The following PDZRN4 variants were observed in gnomAD, a reference collection of about 807,000 sequenced individuals.
PDZRN4 encodes PDZ domain containing ring finger 4.
In PDZRN4, 70 loss-of-function variants were observed where a neutral mutation model predicts 99.0. That is an observed-to-expected ratio of 0.71 (90% CI 0.58 to 0.86). The LOEUF is 0.86. Among genes scored for constraint, PDZRN4 ranks in the 40% least tolerant of loss-of-function variants. PDZRN4 has a pLI of 0.00. For synonymous variants in PDZRN4, 551 were observed against 501.6 expected (o/e 1.10, Z -1.32); for missense variants, 1,474 against 1,331.2 (o/e 1.11, Z -1.67).
chr12:41,354,350 A>G (rs565357026), intron 3 of PDZRN4, among the ~76,000 whole-genome samples: 21 of 152,134 alleles, frequency 1.4e-4, no homozygotes, highest in African/African-American at 4.8e-4. Flanking sequence ...ACCTTGCCTC[A>G]CTTATGTATT....
chr12:41,572,534 G>A lies in PDZRN4; in HGVS notation c.1755G>A (p.Lys585=). ...CCAATAGCACATCTTTGAAGAGCAA[G>A]AGAGACCTGGGGCAGAGCCAAGACA... ...EDPNSTSLKS[K]RDLGQSQDTL... Residue 585 remains lysine, a synonymous_variant, in exon 10 of 10, where the codon AAG becomes AAA. Transcript: ENST00000402685. 1 of 1,614,110 alleles carries A rather than the reference G, an allele frequency of 6.2e-7. No homozygotes were observed. The highest frequency in any genetic ancestry group is 8.5e-7 in the Non-Finnish European group (1 of 1,180,020).
At chr12:41,344,689 T>C (rs1324712161) in intron 3 of PDZRN4, among the ~76,000 whole-genome samples, 1 of 150,684 alleles carries the variant, frequency 6.6e-6, no homozygotes, top group Non-Finnish European at 1.5e-5. Flanking sequence ...ATATAATGCC[T>C]GTTTCTGTGC....
chr12:41,522,390 G>A (rs1938506749), intron 5 of PDZRN4, among the ~76,000 whole-genome samples: 1 of 152,078 alleles, frequency 6.6e-6, no homozygotes, highest in South Asian at 2.1e-4. Context: ...GAAGGTCTAA[G>A]TCTCCCAAAT....
intron 3 of PDZRN4, among the ~76,000 whole-genome samples, chr12:41,400,138 C>T (rs181442976): frequency 2.0e-5 from 3 of 152,180 alleles, no homozygotes; most frequent in Non-Finnish European, 4.4e-5. Context: ...GAGAGCAATA[C>T]ACAATACATC....
chr12:41,536,391 A>G (rs774221934), intron 5 of PDZRN4, among the ~76,000 whole-genome samples: 1 of 152,198 alleles, frequency 6.6e-6, no homozygotes, highest in Non-Finnish European at 1.5e-5. Flanking sequence ...TACAGAGAAA[A>G]TAAAAAGATC....
intron 3 of PDZRN4, among the ~76,000 whole-genome samples, chr12:41,489,678 T>G (rs980730618): frequency 2.6e-5 from 4 of 151,516 alleles, no homozygotes; most frequent in South Asian, 2.1e-4. Flanking sequence ...TTCCAGGTTT[T>G]TTTTTTTTTT....
chr12:41,192,112 T>C (rs1438776460), intron 2 of PDZRN4, among the ~76,000 whole-genome samples: 1 of 152,018 alleles, frequency 6.6e-6, no homozygotes, highest in Non-Finnish European at 1.5e-5. Flanking sequence ...TTTTAAAAAT[T>C]ATTTTCTTTT....
chr12:41,447,348 A>G lies in PDZRN4; in HGVS notation c.844-59108A>G, dbSNP rs1272508980. 2.0e-5 allele frequency among the ~76,000 whole-genome samples: 3 copies of G among 152,144 alleles called. No homozygotes were observed. The East Asian group carries it at 5.8e-4, about 29-fold the overall frequency. On this transcript the variant is annotated intron_variant, in intron 3 of 9. Transcript: ENST00000402685. The stretch of plus-strand genomic sequence containing the variant: ...ACATGGAAAATAATAAAAATGTTTT[A>G]CTAAGATGGCACATTGTAGTGTTAC...
At chr12:41,243,369 C>T (rs867241090) in intron 3 of PDZRN4, among the ~76,000 whole-genome samples, 1 of 152,108 alleles carries the variant, frequency 6.6e-6, no homozygotes, top group Non-Finnish European at 1.5e-5. Context: ...TGAATAATTA[C>T]AATTTAAAAA....
chr12:41,465,039 G>T (rs1465834725), intron 3 of PDZRN4, among the ~76,000 whole-genome samples: 1 of 151,982 alleles, frequency 6.6e-6, no homozygotes, highest in Non-Finnish European at 1.5e-5. Context: ...TGGCCAGGCT[G>T]GTCTCAAACT....
chr12:41,335,585 G>A (rs185124937), intron 3 of PDZRN4, among the ~76,000 whole-genome samples: 94 of 152,178 alleles, frequency 6.2e-4, no homozygotes, highest in African/African-American at 2.0e-3. Flanking sequence ...CAAACACTCC[G>A]TAGTATACAA....
intron 3 of PDZRN4, among the ~76,000 whole-genome samples, chr12:41,231,566 T>TG: frequency 6.6e-6 from 1 of 152,220 alleles, no homozygotes; most frequent in East Asian, 1.9e-4. Context: ...ATGTACTGAA[T>TG]GGCATGGCAT....
intron 3 of PDZRN4, among the ~76,000 whole-genome samples, chr12:41,467,231 A>C (rs1261723367): frequency 6.6e-6 from 1 of 152,218 alleles, no homozygotes; most frequent in African/African-American, 2.4e-5. Flanking sequence ...AACTCAGTAC[A>C]TGGTAATAGC....
intron 3 of PDZRN4, among the ~76,000 whole-genome samples, chr12:41,440,173 G>T (rs533184517): frequency 6.6e-6 from 1 of 152,034 alleles, no homozygotes; most frequent in Admixed American, 6.6e-5. Flanking sequence ...AAACTTTCTG[G>T]CACATACACT....
intron 5 of PDZRN4, among the ~76,000 whole-genome samples, chr12:41,524,692 A>G (rs1311123173): frequency 6.6e-6 from 1 of 152,202 alleles, no homozygotes; most frequent in African/African-American, 2.4e-5. Flanking sequence ...ATAAAAGGAT[A>G]TTAGAGGGAT....
Position 41,453,148 on chromosome 12 carries a change from G to A in PDZRN4, c.844-53308G>A, listed in dbSNP as rs144192756. Among the ~76,000 whole-genome samples, 1,051 of 152,222 alleles carry A rather than the reference G, an allele frequency of 6.9e-3. 9 individuals carry two copies. Among genetic ancestry groups the A allele is most frequent in the Non-Finnish European group, 9.1e-3 (621 of 67,998 alleles). On this transcript the variant is annotated intron_variant, in intron 3 of 9. Coordinates refer to ENST00000402685, the MANE Select transcript of PDZRN4 (RefSeq NM_001164595.2). ...AGCTTTGAATAAAGCAACTCCCTTTGACTGAATTCAGTTTCCAGAGTAGGA... is the reference window on the plus strand; with the variant it reads ...AGCTTTGAATAAAGCAACTCCCTTTAACTGAATTCAGTTTCCAGAGTAGGA...
intron 3 of PDZRN4, chr12:41,412,627 A>T (rs903653120): frequency 2.0e-5 from 3 of 152,212 alleles, no homozygotes; most frequent in African/African-American, 7.2e-5. Flanking sequence ...TTGTATAAGA[A>T]ATGAAATATA....
At chr12:41,508,001 CT>C (rs1938237568) in intron 4 of PDZRN4, among the ~76,000 whole-genome samples, 1 of 152,118 alleles carries the variant, frequency 6.6e-6, no homozygotes, top group African/African-American at 2.4e-5. Flanking sequence ...CAAATACTTC[CT>C]TGAATGAATA....
chr12:41,321,535 A>G (rs1951677693), intron 3 of PDZRN4, among the ~76,000 whole-genome samples: 2 of 152,150 alleles, frequency 1.3e-5, no homozygotes, highest in South Asian at 4.1e-4. Context: ...CTAACCCAAT[A>G]TTATTTCATT....
Sources: gnomAD v4.1 joint callset for allele counts (sites outside exome capture counted in the v4.1 genomes callset) on GRCh38, gnomAD v4.1.1 for gene constraint, MANE v1.5 for transcripts, NCBI Gene and HGNC (gene_info 2026-07-23, HGNC 2026-07-21) for gene names.